MAD1L1: variants seen among roughly 807,000 people sequenced by gnomAD.
The protein encoded by MAD1L1 is mitotic spindle assembly checkpoint protein MAD1.
MAD1L1 carries 95 observed loss-of-function variants against 96.9 expected under a neutral mutation model. That is an observed-to-expected ratio of 0.98 (90% CI 0.83 to 1.16). MAD1L1 has a LOEUF of 1.16. Ranked by LOEUF, MAD1L1 falls within the 50% of genes most tolerant of loss-of-function variation. The probability of loss-of-function intolerance (pLI) is 0.00; values close to 1 mark genes in which losing one functional copy is unlikely to be tolerated. For missense variants in MAD1L1, 1,007 were observed against 954.4 expected (o/e 1.06, Z -0.73); for synonymous variants, 473 against 396.6 (o/e 1.19, Z -2.29).
rs182283616 is a variant in MAD1L1 at position 2,194,022 on chromosome 7, C to A, written c.986+19190G>T. Among the ~76,000 whole-genome samples the A allele has an allele frequency of 1.1e-3, 148 of 137,604 alleles. 1 individual carries two copies. The highest frequency in any genetic ancestry group is 3.5e-3 in the African/African-American group (132 of 38,172). 90.3% of individuals were successfully genotyped at this position (137,604 alleles called of 152,430 possible). ...GCAGTGGCATGATCTCGGCTCACTG[C>A]AGCCTCGGCCTCCTGGGCTCAGGTG... On this transcript the variant is annotated intron_variant, in intron 10 of 18. Transcript: ENST00000265854.
intron 18 of MAD1L1, among the ~76,000 whole-genome samples, chr7:1,886,847 C>A (rs1786065358): frequency 1.3e-5 from 2 of 152,248 alleles, no homozygotes; most frequent in African/African-American, 2.4e-5. Flanking sequence ...TAGCCCTGCA[C>A]CCTTCCTGGC....
chr7:2,052,525 G>A (rs961525806), intron 12 of MAD1L1, among the ~76,000 whole-genome samples: 3 of 150,556 alleles, frequency 2.0e-5, no homozygotes, highest in South Asian at 2.1e-4. Context: ...GCCCGGGCAC[G>A]GTGCCCAGGG....
intron 17 of MAD1L1, among the ~76,000 whole-genome samples, chr7:1,901,911 T>C (rs930254413): frequency 2.0e-5 from 3 of 152,144 alleles, no homozygotes; most frequent in Non-Finnish European, 4.4e-5. Flanking sequence ...CTGGGACCCC[T>C]GCTTTGGGCA....
intron 18 of MAD1L1, among the ~76,000 whole-genome samples, chr7:1,841,579 C>T (rs765514253): frequency 2.6e-5 from 4 of 152,216 alleles, no homozygotes; most frequent in South Asian, 2.1e-4. Flanking sequence ...CAGAAGCTGT[C>T]GTTCTCAGAG....
intron 12 of MAD1L1, among the ~76,000 whole-genome samples, chr7:2,059,019 G>C (rs1784511246): frequency 1.5e-5 from 2 of 133,110 alleles, no homozygotes; most frequent in Non-Finnish European, 3.2e-5. Context: ...GGCCAGAGGA[G>C]AGAAGCAGGG....
chr7:2,164,210 A>C (rs1164904431), intron 10 of MAD1L1, among the ~76,000 whole-genome samples: 1 of 152,240 alleles, frequency 6.6e-6, no homozygotes, highest in African/African-American at 2.4e-5. Flanking sequence ...GCCTCTTTCC[A>C]GAGGAGACAT....
intron 18 of MAD1L1, among the ~76,000 whole-genome samples, chr7:1,860,526 C>A (rs970761748): frequency 4.6e-5 from 7 of 152,156 alleles, no homozygotes; most frequent in Non-Finnish European, 1.0e-4. Context: ...AATGTGACAA[C>A]CTGCAGGGTG....
At chr7:1,963,789 A>G (rs902251905) in intron 15 of MAD1L1, among the ~76,000 whole-genome samples, 3 of 152,136 alleles carry the variant, frequency 2.0e-5, no homozygotes, top group Non-Finnish European at 4.4e-5. Context: ...TGGGCCTAGA[A>G]GGTACTTCTG....
chr7:1,902,278 T>C (rs1321161501), intron 17 of MAD1L1, among the ~76,000 whole-genome samples: 8 of 152,178 alleles, frequency 5.3e-5, no homozygotes, highest in African/African-American at 1.7e-4. Flanking sequence ...GGCTTTACAG[T>C]ACTGAGGGCC....
At chr7:1,979,505 G>A (rs539756319) in intron 15 of MAD1L1, among the ~76,000 whole-genome samples, 4 of 152,354 alleles carry the variant, frequency 2.6e-5, no homozygotes, top group East Asian at 3.9e-4. Context: ...ATGGGGCAGC[G>A]CCAACACAGG....
At chr7:1,891,095 C>A (rs1463463031) in intron 18 of MAD1L1, among the ~76,000 whole-genome samples, 3 of 152,158 alleles carry the variant, frequency 2.0e-5, no homozygotes, top group African/African-American at 7.2e-5. Context: ...AAAAAGGGTG[C>A]ACAGAAGCGA....
intron 17 of MAD1L1, among the ~76,000 whole-genome samples, chr7:1,919,573 G>A (rs1391388840): frequency 2.6e-5 from 4 of 152,220 alleles, no homozygotes; most frequent in Admixed American, 6.5e-5. Context: ...GCTCCTGCAC[G>A]GGCCCAGAGG....
At chr7:2,091,245 C>T (rs1786196658) in intron 11 of MAD1L1, among the ~76,000 whole-genome samples, 1 of 152,204 alleles carries the variant, frequency 6.6e-6, no homozygotes, top group Admixed American at 6.5e-5. Flanking sequence ...CCAAAGACGC[C>T]CAGGTCCTCC....
chr7:2,157,089 C>T (rs1476889), intron 10 of MAD1L1, among the ~76,000 whole-genome samples: 6,429 of 152,248 alleles, frequency 0.042, 321 homozygotes, highest in African/African-American at 0.12. Flanking sequence ...ATTCTGGAAA[C>T]TCGAACACCT....
intron 12 of MAD1L1, among the ~76,000 whole-genome samples, chr7:2,051,462 G>A (rs34329930): frequency 0.011 from 1,635 of 152,240 alleles, 16 homozygotes; most frequent in Middle Eastern, 0.037. Context: ...GGGGGGCGCT[G>A]ACCTTGTCCT....
intron 11 of MAD1L1, among the ~76,000 whole-genome samples, chr7:2,110,339 C>G (rs996930462): frequency 1.3e-5 from 2 of 152,254 alleles, no homozygotes; most frequent in African/African-American, 2.4e-5. Context: ...ACCAAGCGAG[C>G]AGCTGCCCGG....
chr7:1,875,552 G>A (rs1048987885), intron 18 of MAD1L1, among the ~76,000 whole-genome samples: 21 of 152,210 alleles, frequency 1.4e-4, no homozygotes, highest in African/African-American at 4.6e-4. Context: ...AAAGGAAGGC[G>A]TGGAACACAG....
Position 1,982,614 on chromosome 7 carries a change from C to A in MAD1L1, c.1417-2073G>T, listed in dbSNP as rs180696465. On this transcript the variant is annotated intron_variant, in intron 14 of 18. Coordinates refer to ENST00000265854, the MANE Select transcript of MAD1L1 (RefSeq NM_001013836.2). ...ACAGCAGCAGTTCTCAGTTGATTCT[C>A]TTGGCACATAATCTTATCAGCAGCA... Among the ~76,000 whole-genome samples the A allele has an allele frequency of 3.9e-5, 6 of 152,362 alleles. No individual in the cohort carries two copies. The South Asian group carries it at 6.2e-4, about 16-fold the overall frequency.
chr7:2,144,750 A>C (rs915120689), intron 11 of MAD1L1, among the ~76,000 whole-genome samples: 8 of 152,084 alleles, frequency 5.3e-5, no homozygotes, highest in African/African-American at 1.9e-4. Flanking sequence ...AGGGCGCACC[A>C]GATCCACCCA....
Sources: gnomAD v4.1 joint callset for allele counts (sites outside exome capture counted in the v4.1 genomes callset) on GRCh38, gnomAD v4.1.1 for gene constraint, MANE v1.5 for transcripts, NCBI Gene and HGNC (gene_info 2026-07-23, HGNC 2026-07-21) for gene names.